The following ITGA8 variants were observed in gnomAD, a reference collection of about 807,000 sequenced individuals.
The protein encoded by ITGA8 is integrin subunit alpha 8, also known as integrin alpha-8.
In ITGA8, 91 loss-of-function variants were observed where a neutral mutation model predicts 142.3. The ratio of observed to expected loss-of-function variants is 0.64; its 90% CI spans 0.54 to 0.76. The LOEUF (loss-of-function observed/expected upper bound fraction) is 0.76. ITGA8 is among the 30% of genes least tolerant of loss of function. ITGA8 has a pLI of 0.00. For synonymous variants in ITGA8, 505 were observed against 485.2 expected (o/e 1.04, Z -0.54); for missense variants, 1,406 against 1,327.7 (o/e 1.06, Z -0.92).
intron 20 of ITGA8, among the ~76,000 whole-genome samples, chr10:15,598,862 A>C (rs1349237135): frequency 6.6e-6 from 1 of 152,198 alleles, no homozygotes; most frequent in Admixed American, 6.5e-5. Context: ...TGAGCTAAAA[A>C]ACATCTTTTC....
At chr10:15,572,840 AG>A in intron 24 of ITGA8, among the ~76,000 whole-genome samples, 1 of 152,330 alleles carries the variant, frequency 6.6e-6, no homozygotes, top group Middle Eastern at 3.4e-3. Flanking sequence ...TCAAGTGCCA[AG>A]GCGGGCCCAT....
intron 8 of ITGA8, among the ~76,000 whole-genome samples, chr10:15,664,503 CTT>C (rs35181554): frequency 8.0e-5 from 11 of 137,184 alleles, no homozygotes; most frequent in East Asian, 2.0e-4. Flanking sequence ...TTCATTTACT[CTT>C]TTTTTTTTCC....
intron 13 of ITGA8, among the ~76,000 whole-genome samples, chr10:15,625,522 T>C (rs571747293): frequency 6.7e-4 from 102 of 152,374 alleles, no homozygotes; most frequent in Non-Finnish European, 1.4e-3. Context: ...TAGCTGCCTA[T>C]TGGAAAGTGT....
In ITGA8 at chr10:15,701,391, G is replaced by C. The variant is rs186693782; in HGVS notation, c.344-13353C>G. On this transcript the variant is annotated intron_variant, in intron 2 of 29. Transcript: ENST00000378076. ...ACTGAAAAGATGTATAAGTCAACCC[G>C]GGAACTTTAGATGGGTGGTATCAAT... is the stretch of plus-strand genomic sequence containing the variant. Among the ~76,000 whole-genome samples, 269 of 152,304 alleles carry C rather than the reference G, an allele frequency of 1.8e-3. 1 individual carries two copies. The highest frequency in any genetic ancestry group is 6.3e-3 in the African/African-American group (261 of 41,566).
rs35672275 is a variant in ITGA8 at position 15,604,578 on chromosome 10, C to CA, written c.1971-224dup. ...TGGTAAATGTTTAACAACCAGTTCT[C>CA]AAAAAAAAAAAAAAAAAAAAAAGGA... On this transcript the variant is annotated intron_variant, in intron 19 of 29. Coordinates refer to ENST00000378076, the MANE Select transcript of ITGA8 (RefSeq NM_003638.3). Among the ~76,000 whole-genome samples the CA allele has an allele frequency of 0.029, 2,454 of 85,736 alleles. 64 individuals are homozygous for CA. Among genetic ancestry groups the CA allele is most frequent in the African/African-American group, 0.075 (1,700 of 22,788 alleles). The allele number at this position is 85,736 out of a possible 152,430, so 56.2% of individuals were successfully genotyped here. A position where few individuals can be genotyped will look rare whatever the true frequency, so the allele number is the denominator to read the frequency against.
chr10:15,617,439 C>A (rs1016676128), intron 13 of ITGA8, among the ~76,000 whole-genome samples: 1 of 151,736 alleles, frequency 6.6e-6, no homozygotes, highest in Non-Finnish European at 1.5e-5. Context: ...CGCTCCATCG[C>A]CTAGGCTGGA....
At chr10:15,699,115 C>A (rs761747669) in intron 2 of ITGA8, among the ~76,000 whole-genome samples, 6 of 152,128 alleles carry the variant, frequency 3.9e-5, no homozygotes, top group Non-Finnish European at 8.8e-5. Context: ...GAAACCTCAC[C>A]TCTACTAAAA....
chr10:15,561,132 C>A (rs1437722456), intron 25 of ITGA8, among the ~76,000 whole-genome samples: 1 of 150,464 alleles, frequency 6.6e-6, no homozygotes, highest in African/African-American at 2.4e-5. Flanking sequence ...TCAAGTGATC[C>A]TCCTGCCTCA....
chr10:15,577,035 A>G (rs140137381), intron 23 of ITGA8, among the ~76,000 whole-genome samples: 151 of 152,320 alleles, frequency 9.9e-4, no homozygotes, highest in African/African-American at 3.2e-3. Context: ...CTGGGTTTCT[A>G]TACCAGTCTT....
intron 13 of ITGA8, among the ~76,000 whole-genome samples, chr10:15,622,357 T>C (rs1005999668): frequency 1.3e-5 from 1 of 76,328 alleles, no homozygotes; most frequent in Admixed American, 1.2e-4. Context: ...ATTGGACATC[T>C]TCTTTTTTTT....
intron 2 of ITGA8, among the ~76,000 whole-genome samples, chr10:15,715,489 A>T (rs1273933676): frequency 6.6e-6 from 1 of 152,178 alleles, no homozygotes; most frequent in Non-Finnish European, 1.5e-5. Flanking sequence ...CGAACTGGGC[A>T]GACCTCTATT....
intron 13 of ITGA8, among the ~76,000 whole-genome samples, chr10:15,622,628 T>C (rs1833512081): frequency 6.6e-6 from 1 of 151,434 alleles, no homozygotes; most frequent in Admixed American, 6.6e-5. Flanking sequence ...TGAGCAAGGC[T>C]GAAAGAGAAA....
chr10:15,537,672 T>A (rs1237812142), intron 27 of ITGA8, among the ~76,000 whole-genome samples: 1 of 152,222 alleles, frequency 6.6e-6, no homozygotes, highest in Admixed American at 6.5e-5. Flanking sequence ...TCTAGTGTCA[T>A]AATGATAGGA....
At chr10:15,656,854 T>C (rs1834194752) in intron 10 of ITGA8, among the ~76,000 whole-genome samples, 1 of 152,196 alleles carries the variant, frequency 6.6e-6, no homozygotes, top group Admixed American at 6.5e-5. Context: ...TGCAATCCCT[T>C]AGAAAGCACA....
chr10:15,610,770 T>A (rs1833279507), intron 15 of ITGA8, among the ~76,000 whole-genome samples: 1 of 152,240 alleles, frequency 6.6e-6, no homozygotes, highest in African/African-American at 2.4e-5. Context: ...CAGTTTTCAC[T>A]CCTATTTCAG....
rs35130036 is a variant in ITGA8 at position 15,532,418 on chromosome 10, C to CAAAAAAAAAAAAAAA, written c.2881-1282_2881-1268dup. ...TGCGCAACCGAGTGAGACTCCCTCTCAAAAAAAAAAAAAAAAAAAAAAAAA... is the reference window on the plus strand; with the variant it reads ...TGCGCAACCGAGTGAGACTCCCTCTCAAAAAAAAAAAAAAAAAAAAAAAAAAAAAAAAAAAAAAAA... On this transcript the variant is annotated intron_variant, in intron 27 of 29. Transcript: ENST00000378076. 1.7e-3 allele frequency among the ~76,000 whole-genome samples: 46 copies of CAAAAAAAAAAAAAAA among 27,836 alleles called. 5 individuals are homozygous for CAAAAAAAAAAAAAAA. Among genetic ancestry groups the CAAAAAAAAAAAAAAA allele is most frequent in the African/African-American group, 9.3e-3 (44 of 4,756 alleles). The allele number at this position is 27,836 out of a possible 152,430, so 18.3% of individuals were successfully genotyped here.
chr10:15,572,481 A>C, intron 24 of ITGA8, 112 bp from the exon 25 acceptor site: 1 of 957,858 alleles, frequency 1.0e-6, no homozygotes, highest in Non-Finnish European at 1.5e-6. Context: ...GTTTTAAGTC[A>C]TCTGGACTAT....
At chr10:15,626,077 A>G (rs986612802) in intron 13 of ITGA8, among the ~76,000 whole-genome samples, 1 of 152,198 alleles carries the variant, frequency 6.6e-6, no homozygotes, top group Non-Finnish European at 1.5e-5. Flanking sequence ...TTGCATGATA[A>G]GATTAGGGTG....
At chr10:15,659,169 C>G (rs538907297) in intron 9 of ITGA8, 114 bp from the exon 10 acceptor site, 1 of 602,942 alleles carries the variant, frequency 1.7e-6, no homozygotes, top group Non-Finnish European at 2.8e-6. Flanking sequence ...AAATGGTTAG[C>G]TAAATGTAAA....
Sources: allele counts gnomAD v4.1 joint callset (sites outside exome capture counted in the v4.1 genomes callset), GRCh38; gene constraint gnomAD v4.1.1; transcripts MANE v1.5; gene names NCBI Gene and HGNC (gene_info 2026-07-23, HGNC 2026-07-21).